ZMAT4: variants seen among roughly 807,000 people sequenced by gnomAD.
The protein encoded by ZMAT4 is zinc finger matrin-type 4.
Under a neutral mutation model 28.7 loss-of-function variants are expected in ZMAT4, and 17 were observed. The ratio of observed to expected loss-of-function variants is 0.59; its 90% CI spans 0.41 to 0.89. The LOEUF (loss-of-function observed/expected upper bound fraction) is 0.89. Among genes scored for constraint, ZMAT4 ranks in the 40% least tolerant of loss-of-function variants. The pLI, the probability that ZMAT4 is intolerant of heterozygous loss-of-function variation, is 0.00. For synonymous variants in ZMAT4, 117 were observed against 109.2 expected, an observed-to-expected ratio of 1.07 and a Z score of -0.44; for missense variants, 240 against 283.8, an observed-to-expected ratio of 0.85 and a Z score of 1.11.
intron 3 of ZMAT4, among the ~76,000 whole-genome samples, chr8:40,710,788 TC>T (rs1321621934): frequency 1.7e-5 from 2 of 117,406 alleles, no homozygotes; most frequent in South Asian, 5.8e-4. Context: ...TCAAGACTTT[TC>T]TTTTTTTTTT....
intron 1 of ZMAT4, among the ~76,000 whole-genome samples, chr8:40,884,025 A>T (rs1161171905): frequency 4.0e-5 from 6 of 151,704 alleles, no homozygotes; most frequent in Non-Finnish European, 8.8e-5. Context: ...ACGCAGCACA[A>T]CTCTCTGTCA....
intron 4 of ZMAT4, among the ~76,000 whole-genome samples, chr8:40,696,002 A>G (rs2150493083): frequency 6.6e-6 from 1 of 152,026 alleles, no homozygotes; most frequent in South Asian, 2.1e-4. Context: ...CTATTTTAAG[A>G]GATTTGATGG....
intron 5 of ZMAT4, among the ~76,000 whole-genome samples, chr8:40,591,670 C>A (rs552910900): frequency 6.6e-6 from 1 of 152,176 alleles, no homozygotes; most frequent in Non-Finnish European, 1.5e-5. Context: ...AGGTCTAATC[C>A]TTATCATAAA....
At chr8:40,643,215 GC>G in intron 5 of ZMAT4, among the ~76,000 whole-genome samples, 1 of 152,164 alleles carries the variant, frequency 6.6e-6, no homozygotes, top group East Asian at 1.9e-4. Flanking sequence ...GCTTTCATCT[GC>G]CTTTTGTTTC....
intron 2 of ZMAT4, among the ~76,000 whole-genome samples, chr8:40,793,032 T>C (rs974986849): frequency 1.3e-5 from 2 of 152,016 alleles, no homozygotes; most frequent in African/African-American, 4.8e-5. Flanking sequence ...ATACATATTA[T>C]GTACTTGTCA....
chr8:40,840,368 C>A (rs1205197659), intron 1 of ZMAT4, among the ~76,000 whole-genome samples: 1 of 152,166 alleles, frequency 6.6e-6, no homozygotes. Flanking sequence ...GGCTACTATA[C>A]CTGCACCAAA....
intron 5 of ZMAT4, among the ~76,000 whole-genome samples, chr8:40,598,172 G>A (rs1332763491): frequency 6.6e-6 from 1 of 152,168 alleles, no homozygotes; most frequent in African/African-American, 2.4e-5. Flanking sequence ...TGAAAGTAAT[G>A]CACAATGTGT....
At chr8:40,730,401 A>G (rs1445269343) in intron 3 of ZMAT4, among the ~76,000 whole-genome samples, 2 of 152,266 alleles carry the variant, frequency 1.3e-5, no homozygotes, top group African/African-American at 4.8e-5. Context: ...ATTTGGAAAT[A>G]TGAGCATGTC....
At chr8:40,759,737 C>T (rs1256519427) in intron 3 of ZMAT4, among the ~76,000 whole-genome samples, 2 of 152,164 alleles carry the variant, frequency 1.3e-5, no homozygotes, top group Non-Finnish European at 2.9e-5. Context: ...AGCTGAAGTC[C>T]TGGAAAAACA....
chr8:40,658,381 C>T (rs1031502969), intron 5 of ZMAT4, among the ~76,000 whole-genome samples: 4 of 152,100 alleles, frequency 2.6e-5, no homozygotes, highest in East Asian at 1.9e-4. Context: ...TCCAGAACAT[C>T]GATTTTGAAA....
At chr8:40,761,122 A>G (rs1437914236) in intron 3 of ZMAT4, among the ~76,000 whole-genome samples, 4 of 152,086 alleles carry the variant, frequency 2.6e-5, no homozygotes, top group Non-Finnish European at 4.4e-5. Context: ...TTTTAAACAT[A>G]TGTCATATAG....
chr8:40,536,998 G>A (rs1802868623), intron 6 of ZMAT4, among the ~76,000 whole-genome samples: 1 of 152,040 alleles, frequency 6.6e-6, no homozygotes, highest in African/African-American at 2.4e-5. Context: ...TCTGCATGTT[G>A]ATAGCTCTGT....
intron 2 of ZMAT4, among the ~76,000 whole-genome samples, chr8:40,825,008 T>A (rs564623676): frequency 6.6e-6 from 1 of 152,212 alleles, no homozygotes; most frequent in African/African-American, 2.4e-5. Context: ...GTGCCACTAA[T>A]TTATGACTTT....
chr8:40,628,356 G>A (rs947268717), intron 5 of ZMAT4, among the ~76,000 whole-genome samples: 1 of 152,202 alleles, frequency 6.6e-6, no homozygotes, highest in African/African-American at 2.4e-5. Context: ...GACTTACTGT[G>A]CACCAAGCAT....
chr8:40,592,866 G>T (rs993164144), intron 5 of ZMAT4, among the ~76,000 whole-genome samples: 1 of 152,108 alleles, frequency 6.6e-6, no homozygotes, highest in Non-Finnish European at 1.5e-5. Flanking sequence ...TCTTGGACGT[G>T]GTCACTATGG....
At chr8:40,851,722 T>C (rs527991316) in intron 1 of ZMAT4, among the ~76,000 whole-genome samples, 3 of 152,316 alleles carry the variant, frequency 2.0e-5, no homozygotes, top group Admixed American at 6.5e-5. Context: ...ATTTATCATT[T>C]CTTTGTGTTG....
At chr8:40,557,163 A>T (rs567556256) in intron 6 of ZMAT4, among the ~76,000 whole-genome samples, 1 of 152,270 alleles carries the variant, frequency 6.6e-6, no homozygotes, top group East Asian at 1.9e-4. Flanking sequence ...AGAAATGTAT[A>T]TTTCAAAAGG....
intron 1 of ZMAT4, among the ~76,000 whole-genome samples, chr8:40,895,729 A>G (rs917496176): frequency 1.3e-5 from 2 of 152,142 alleles, no homozygotes; most frequent in African/African-American, 4.8e-5. Flanking sequence ...AATCCAACAG[A>G]TTGGCATCAA....
intron 6 of ZMAT4, among the ~76,000 whole-genome samples, chr8:40,532,694 T>C (rs1386090821): frequency 1.1e-4 from 1 of 9,398 alleles, no homozygotes; most frequent in African/African-American, 1.2e-4. Context: ...GTTAGAAGAA[T>C]AGAAAAAAAA....
Sources: allele counts gnomAD v4.1 joint callset (sites outside exome capture counted in the v4.1 genomes callset), GRCh38; gene constraint gnomAD v4.1.1; transcripts MANE v1.5; gene names NCBI Gene and HGNC (gene_info 2026-07-23, HGNC 2026-07-21).